The following DCTN2 variants were observed in gnomAD, a reference collection of about 807,000 sequenced individuals.
The protein encoded by DCTN2 is dynactin subunit 2, also known as 50 kDa dynein-associated polypeptide.
A neutral mutation model predicts 55.4 loss-of-function variants in DCTN2; 18 were observed. That is an observed-to-expected ratio of 0.32 (90% CI 0.22 to 0.48). DCTN2 has a LOEUF of 0.48. DCTN2 is among the 20% of genes least tolerant of loss of function. The probability of loss-of-function intolerance (pLI) is 0.99; values close to 1 mark genes in which losing one functional copy is unlikely to be tolerated. For missense variants in DCTN2, 390 were observed against 491.0 expected (o/e 0.79, Z 1.94); for synonymous variants, 168 against 185.2 (o/e 0.91, Z 0.76).
chr12:57,532,958 A>G, intron 9 of DCTN2, 26 bp downstream of exon 9: 2 of 1,599,750 alleles, frequency 1.3e-6, no homozygotes, highest in Non-Finnish European at 8.5e-7. Flanking sequence ...CTGTGATCCA[A>G]ACACTCCAGT....
chr12:57,535,294 A>C, intron 4 of DCTN2, 140 bp from the exon 5 acceptor site: 2 of 972,932 alleles, frequency 2.1e-6, no homozygotes, highest in Non-Finnish European at 1.5e-6. Context: ...AGAACTGAGG[A>C]CAGCTAGAGG....
chr12:57,543,490 G>A (rs1299583171), intron 2 of DCTN2, among the ~76,000 whole-genome samples: 2 of 152,070 alleles, frequency 1.3e-5, no homozygotes, highest in East Asian at 1.9e-4. Flanking sequence ...CAGGCCTCAC[G>A]GACATGACAT....
At chr12:57,545,701 C>T (rs959595819) in intron 2 of DCTN2, among the ~76,000 whole-genome samples, 1 of 152,172 alleles carries the variant, frequency 6.6e-6, no homozygotes, top group African/African-American at 2.4e-5. Context: ...CTTCATGATT[C>T]ATTTCCATGG....
In DCTN2 at chr12:57,546,800, G is replaced by A. The variant is rs554416666; in HGVS notation, c.36+228C>T. 3.9e-5 allele frequency among the ~76,000 whole-genome samples: 6 copies of A among 152,344 alleles called. No individual in the cohort carries two copies. The South Asian group carries it at 1.0e-3, about 26-fold the overall frequency. On this transcript the variant is annotated intron_variant, in intron 1 of 13. Coordinates refer to ENST00000548249, the MANE Select transcript of DCTN2 (RefSeq NM_001261413.2). ...AGTACCCGGAGTCGATTTCTGGGCCGAGCTACCGGCGACTGCCGGAAAGGG... is the reference window on the plus strand; with the variant it reads ...AGTACCCGGAGTCGATTTCTGGGCCAAGCTACCGGCGACTGCCGGAAAGGG...
At chr12:57,537,602 G>T (rs1880350257) in intron 2 of DCTN2, among the ~76,000 whole-genome samples, 1 of 152,066 alleles carries the variant, frequency 6.6e-6, no homozygotes, top group African/African-American at 2.4e-5. Flanking sequence ...AGGAATCAGT[G>T]TGGGTGACAG....
rs764901712 is a variant in DCTN2, at chr12:57,533,935, C to T, written c.669+18G>A. On this transcript the variant is annotated intron_variant, in intron 7 of 13. Transcript: ENST00000548249. ...CATCTCCCCTTGGCTTCCCAACCAA[C>T]ACTGTATCCACACTTACTTTGGCAG... 6.3e-7 allele frequency: 1 copy of T among 1,592,924 alleles called. No individual in the cohort carries two copies. Among genetic ancestry groups the T allele is most frequent in the Non-Finnish European group, 8.6e-7 (1 of 1,169,186 alleles).
chr12:57,540,459 T>C (rs1880604206), intron 2 of DCTN2, among the ~76,000 whole-genome samples: 1 of 152,172 alleles, frequency 6.6e-6, no homozygotes, highest in East Asian at 1.9e-4. Flanking sequence ...GTCACCTTGA[T>C]TGGAAGATTT....
chr12:57,533,827 G>A (rs1214276287), intron 7 of DCTN2, 126 bp downstream of exon 7: 1 of 994,502 alleles, frequency 1.0e-6, no homozygotes, highest in East Asian at 2.6e-5. Context: ...ATCAAAAGAG[G>A]AATCAATCAA....
At chr12:57,539,703 T>C (rs1344914264) in intron 2 of DCTN2, among the ~76,000 whole-genome samples, 1 of 152,200 alleles carries the variant, frequency 6.6e-6, no homozygotes, top group Non-Finnish European at 1.5e-5. Flanking sequence ...AACCTCTCTG[T>C]TCCCTAGACG....
At chr12:57,538,523 T>A (rs1565681263) in intron 2 of DCTN2, 2 of 760,540 alleles carry the variant, frequency 2.6e-6, no homozygotes, top group Non-Finnish European at 4.8e-6. Context: ...TCTTACCAGC[T>A]CCTTGTGGTT....
chr12:57,545,278 T>C (rs146521627), intron 2 of DCTN2, among the ~76,000 whole-genome samples: 1 of 152,222 alleles, frequency 6.6e-6, no homozygotes, highest in Non-Finnish European at 1.5e-5. Context: ...TTTACTATGT[T>C]GATTTCCATT....
intron 8 of DCTN2, 62 bp downstream of exon 8, chr12:57,533,176 A>T: frequency 6.3e-7 from 1 of 1,594,174 alleles, no homozygotes; most frequent in Non-Finnish European, 8.6e-7. Context: ...GGAATGTTGT[A>T]GACCTTAAGG....
At chr12:57,538,649 A>G in intron 2 of DCTN2, 1 of 673,846 alleles carries the variant, frequency 1.5e-6, no homozygotes, top group Non-Finnish European at 2.7e-6. Context: ...GCACTACATG[A>G]CAGTCTTCCA....
In DCTN2 at chr12:57,535,110, G is replaced by A. The variant is rs763924973; in HGVS notation, c.309C>T (p.Tyr103=). ...LGVKETPQQK[Y]QRLLHEVQEL... ...CTTGGACCTCATGCAGTAGGCGCTG[G>A]TACTTTTGCTGGGGTGTCTCCTTCA... Residue 103 remains tyrosine, a synonymous_variant, in exon 5 of 14, where the codon TAC becomes TAT. Transcript: ENST00000548249. 1.2e-6 allele frequency: 2 copies of A among 1,613,714 alleles called. No individual in the cohort carries two copies. The highest frequency in any genetic ancestry group is 2.7e-5 in the African/African-American group (2 of 74,876).
intron 2 of DCTN2, among the ~76,000 whole-genome samples, chr12:57,545,610 T>C (rs1477220169): frequency 6.6e-6 from 1 of 152,234 alleles, no homozygotes; most frequent in African/African-American, 2.4e-5. Flanking sequence ...GCCCAATGGA[T>C]ACTGGATATT....
chr12:57,543,849 T>C, intron 2 of DCTN2: 1 of 1,287,206 alleles, frequency 7.8e-7, no homozygotes, highest in Non-Finnish European at 1.0e-6. Context: ...ACACTCACAG[T>C]ATCCTCTCCT....
chr12:57,534,977 G>GA, intron 5 of DCTN2, 79 bp downstream of exon 5: 1 of 1,267,464 alleles, frequency 7.9e-7, no homozygotes, highest in East Asian at 2.4e-5. Flanking sequence ...GCCAGGCAGG[G>GA]AATCTTTCTC....
At position 57,535,845 on chromosome 12, in the gene DCTN2, C is replaced by T. The variant is rs1880189354; in HGVS notation, c.106G>A (p.Glu36Lys). Reference sequence around the variant, plus strand: ...TCCACACTTGTGCTTGTCAGCTCCTCCTGCAAGAACAGGTAGTTTAGGCCA... The same window carrying T: ...TCCACACTTGTGCTTGTCAGCTCCTTCTGCAAGAACAGGTAGTTTAGGCCA... The part of the protein sequence containing the change: ...PEDDQAEFDA[E>K]ELTSTSVEHI... The change falls in exon 3 of 14, where the codon GAG becomes AAG. Residue 36 changes from glutamate to lysine, a missense_variant and splice_region_variant. Physicochemically the swap from Glu to Lys is moderately conservative, Grantham distance 56. Coordinates refer to ENST00000548249, the MANE Select transcript of DCTN2 (RefSeq NM_001261413.2). The T allele has an allele frequency of 6.2e-7, 1 of 1,611,644 alleles. No individual in the cohort carries two copies. Among genetic ancestry groups the T allele is most frequent in the Non-Finnish European group, 8.5e-7 (1 of 1,178,674 alleles).
Position 57,530,332 on chromosome 12 carries a change from G to T in DCTN2, c.*357C>A. The T allele has an allele frequency of 5.0e-6, 1 of 199,876 alleles. No individual in the cohort carries two copies. Among genetic ancestry groups the T allele is most frequent in the Non-Finnish European group, 1.0e-5 (1 of 97,830 alleles). The allele number at this position is 199,876 out of a possible 1,614,324, so 12.4% of individuals were successfully genotyped here. A position where few individuals can be genotyped will look rare whatever the true frequency, so the allele number is the denominator to read the frequency against. ...CACACAGAGTACAACAGCATTTAAT[G>T]GTCAGAAACAGTTGTACAGTATTAC... On this transcript the variant is annotated 3_prime_UTR_variant, in exon 14 of 14. Transcript: ENST00000548249.
Sources: gnomAD v4.1 joint callset for allele counts (sites outside exome capture counted in the v4.1 genomes callset) on GRCh38, gnomAD v4.1.1 for gene constraint, MANE v1.5 for transcripts, NCBI Gene and HGNC (gene_info 2026-07-23, HGNC 2026-07-21) for gene names.